The following FRY variants were observed in gnomAD, a reference collection of about 807,000 sequenced individuals.
The protein encoded by FRY is protein furry homolog.
FRY carries 128 observed loss-of-function variants against 348.4 expected under a neutral mutation model. The ratio of observed to expected loss-of-function variants is 0.37; its 90% CI spans 0.32 to 0.43. FRY has a LOEUF of 0.43. Among genes scored for constraint, FRY ranks in the 20% least tolerant of loss-of-function variants. FRY has a pLI of 1.00. For synonymous variants in FRY, 1,370 were observed against 1,374.7 expected, an observed-to-expected ratio of 1.00 and a Z score of 0.08; for missense variants, 2,736 against 3,695.2, an observed-to-expected ratio of 0.74 and a Z score of 6.73.
At chr13:32,054,029 A>G (rs1188790531) in intron 1 of FRY, among the ~76,000 whole-genome samples, 1 of 152,232 alleles carries the variant, frequency 6.6e-6, no homozygotes, top group Admixed American at 6.5e-5. Context: ...ATGCTTTGTT[A>G]AATGAAAATA....
chr13:32,161,066 T>C (rs1408271460), intron 16 of FRY, 78 bp from the exon 17 acceptor site: 7 of 934,690 alleles, frequency 7.5e-6, no homozygotes, highest in Non-Finnish European at 1.2e-5. Flanking sequence ...TTCTAGTCTT[T>C]GTTCATGCAC....
Position 32,211,036 on chromosome 13 carries a change from TAAG to T in FRY, c.4591+7_4591+9del, listed in dbSNP as rs761486379. ...GCAAGGCTTCCGCAGCAGCCTCAGG[TAAG>T]AAGAGCAACCGGGCAGACACCTGGT... On this transcript the variant is annotated splice_donor_5th_base_variant and intron_variant, in intron 34 of 60. Coordinates refer to ENST00000542859, the MANE Select transcript of FRY (RefSeq NM_023037.3). 1.9e-6 allele frequency: 3 copies of T among 1,613,880 alleles called. No individual in the cohort carries two copies. The highest frequency in any genetic ancestry group is 2.2e-5 in the South Asian group (2 of 91,068).
At chr13:32,123,710 G>T (rs799055) in intron 4 of FRY, among the ~76,000 whole-genome samples, 149,210 of 152,342 alleles carry the variant, frequency 0.98, 73,144 homozygotes, top group East Asian at 1. Flanking sequence ...GGTGATAGAC[G>T]CACAAATAAC....
intron 2 of FRY, among the ~76,000 whole-genome samples, chr13:32,089,383 G>A: frequency 6.6e-6 from 1 of 152,114 alleles, no homozygotes; most frequent in East Asian, 1.9e-4. Flanking sequence ...GAAGGCAGGG[G>A]GGTTGGAATA....
chr13:32,229,988 TTGACTATGC>T (rs773758069), intron 40 of FRY, among the ~76,000 whole-genome samples: 2 of 152,226 alleles, frequency 1.3e-5, no homozygotes, highest in East Asian at 3.8e-4. Context: ...TAGATGTGTT[TTGACTATGC>T]TGATAAGGTT....
At chr13:32,187,734 A>G (rs1883106178) in intron 28 of FRY, 78 bp downstream of exon 28, 3 of 789,196 alleles carry the variant, frequency 3.8e-6, no homozygotes, top group African/African-American at 1.7e-5. Flanking sequence ...ATGTGTAAGC[A>G]TTGTTCACAA....
At position 32,185,161 on chromosome 13, in the gene FRY, G is replaced by A. The variant is rs199783380; in HGVS notation, c.3319+13G>A. The A allele has an allele frequency of 6.8e-6, 11 of 1,611,518 alleles. No individual in the cohort carries two copies. Among genetic ancestry groups the A allele is most frequent in the African/African-American group, 4.0e-5 (3 of 74,980 alleles). The stretch of plus-strand genomic sequence containing the variant: ...CAGTGTGTTCCAGGTACGGTGATCC[G>A]TTACAAGAAATTACCATTCATGCTT... On this transcript the variant is annotated intron_variant, in intron 26 of 60. Coordinates refer to ENST00000542859, the MANE Select transcript of FRY (RefSeq NM_023037.3).
At chr13:32,120,613 C>G (rs1878591787) in intron 4 of FRY, among the ~76,000 whole-genome samples, 1 of 152,118 alleles carries the variant, frequency 6.6e-6, no homozygotes. Context: ...TTATCCCTCG[C>G]CCCACTCCCA....
intron 23 of FRY, among the ~76,000 whole-genome samples, chr13:32,181,331 A>G (rs545255522): frequency 3.3e-5 from 5 of 151,980 alleles, no homozygotes; most frequent in Non-Finnish European, 7.4e-5. Context: ...GCAGTGGCTC[A>G]TGCTTGTAAT....
At chr13:32,069,036 C>T (rs1008895087) in intron 1 of FRY, among the ~76,000 whole-genome samples, 2 of 151,730 alleles carry the variant, frequency 1.3e-5, no homozygotes, top group African/African-American at 4.8e-5. Context: ...CCTGCCTCAG[C>T]CTCCCAAGTA....
At position 32,226,636 on chromosome 13, in the gene FRY, A is replaced by G. The variant is rs549744952; in HGVS notation, c.5206+662A>G. On this transcript the variant is annotated intron_variant, in intron 39 of 60. Coordinates refer to ENST00000542859, the MANE Select transcript of FRY (RefSeq NM_023037.3). ...GATGATGAAGATTACCAACTAACAG[A>G]GTTCAGGGACTAATTTTTTTTTTAC... 2.2e-4 allele frequency among the ~76,000 whole-genome samples: 33 copies of G among 152,294 alleles called. 1 individual carries two copies. Among genetic ancestry groups the G allele is most frequent in the African/African-American group, 6.5e-4 (27 of 41,570 alleles).
At chr13:32,147,572 C>T (rs1880536226) in intron 12 of FRY, among the ~76,000 whole-genome samples, 187 bp downstream of exon 12, 1 of 152,212 alleles carries the variant, frequency 6.6e-6, no homozygotes, top group South Asian at 2.1e-4. Context: ...ACAAAAGCTC[C>T]AGCCTCTACC....
intron 35 of FRY, among the ~76,000 whole-genome samples, chr13:32,217,067 C>T (rs1182936271): frequency 2.6e-5 from 4 of 152,134 alleles, no homozygotes; most frequent in Non-Finnish European, 4.4e-5. Context: ...TTTGCTGAAA[C>T]GTTACTCTTT....
intron 2 of FRY, among the ~76,000 whole-genome samples, chr13:32,093,946 C>A (rs140279155): frequency 6.6e-5 from 10 of 152,254 alleles, no homozygotes; most frequent in African/African-American, 1.2e-4. Context: ...TTAAAGTATA[C>A]GAAGTCTTTC....
At position 32,239,718 on chromosome 13, in the gene FRY, T is replaced by C; in HGVS notation, c.6524T>C (p.Leu2175Ser). Residue 2175 changes from leucine (L) to serine (S), a missense_variant, in exon 46 of 61, where the codon TTA becomes TCA. Coordinates refer to ENST00000542859, the MANE Select transcript of FRY (RefSeq NM_023037.3). This position sits in a 1 kb window ranked among gnomAD's most constrained non-coding sequence, Gnocchi z 4.3. ...DIAERIAQVC[L>S]EEKNPKLSNL... is the part of the protein sequence containing the mutation. ...ATTTTTTTATTTTAAAAGGTTTGTTTAGAAGAGAAGAACCCCAAACTTTCA... is the reference window on the plus strand; with the variant it reads ...ATTTTTTTATTTTAAAAGGTTTGTTCAGAAGAGAAGAACCCCAAACTTTCA... 2 of 1,610,156 alleles carry C rather than the reference T, an allele frequency of 1.2e-6. No homozygotes were observed. The highest frequency in any genetic ancestry group is 1.7e-6 in the Non-Finnish European group (2 of 1,176,436).
chr13:32,043,972 A>C (rs538937944), intron 1 of FRY, among the ~76,000 whole-genome samples: 90 of 152,336 alleles, frequency 5.9e-4, no homozygotes, highest in African/African-American at 2.1e-3. Flanking sequence ...AAATGGGAGA[A>C]GTGCTTGAGG....
At chr13:32,039,494 C>A (rs1248968431) in intron 1 of FRY, among the ~76,000 whole-genome samples, 1 of 18,646 alleles carries the variant, frequency 5.4e-5, no homozygotes, top group Non-Finnish European at 1.2e-4. Context: ...TCTCCCACCT[C>A]CCCCCCCATA....
At chr13:32,102,037 A>G (rs748099819) in intron 3 of FRY, 21 bp downstream of exon 3, 2 of 1,399,608 alleles carry the variant, frequency 1.4e-6, no homozygotes, top group South Asian at 1.2e-5. Flanking sequence ...TATATGTTAT[A>G]TACTAGTTTT....
At chr13:32,148,729 G>A (rs1880613128) in intron 13 of FRY, among the ~76,000 whole-genome samples, 1 of 152,164 alleles carries the variant, frequency 6.6e-6, no homozygotes, top group Admixed American at 6.5e-5. Flanking sequence ...AGAATATTGT[G>A]TGCTTAAAAG....
Sources: gnomAD v4.1 joint callset for allele counts (sites outside exome capture counted in the v4.1 genomes callset) on GRCh38, gnomAD v4.1.1 for gene constraint, Gnocchi (gnomAD v3.1) non-coding constraint, MANE v1.5 for transcripts, NCBI Gene and HGNC (gene_info 2026-07-23, HGNC 2026-07-21) for gene names.